FMNL3: variants seen among roughly 807,000 people sequenced by gnomAD.
FMNL3 encodes formin-like protein 3.
A neutral mutation model predicts 119.6 loss-of-function variants in FMNL3; 57 were observed. The ratio of observed to expected loss-of-function variants is 0.48; its 90% CI spans 0.39 to 0.59. The LOEUF is 0.59. Ranked by LOEUF, FMNL3 falls within the 20% of genes least tolerant of loss-of-function variation. The probability of loss-of-function intolerance (pLI) is 0.00; values close to 1 mark genes in which losing one functional copy is unlikely to be tolerated. For synonymous variants in FMNL3, 491 were observed against 507.3 expected, an observed-to-expected ratio of 0.97 and a Z score of 0.43; for missense variants, 1,053 against 1,323.5, an observed-to-expected ratio of 0.80 and a Z score of 3.17.
At chr12:49,662,171 C>A in intron 4 of FMNL3, 122 bp from the exon 5 acceptor site, 2 of 904,454 alleles carry the variant, frequency 2.2e-6, no homozygotes, top group Non-Finnish European at 3.5e-6. Flanking sequence ...TAAGAAAATT[C>A]TGAAGATCAA....
rs577315578 is a variant in FMNL3, at chr12:49,676,391, C to T, written c.127-7837G>A. Among the ~76,000 whole-genome samples, 32 of 152,206 alleles carry T rather than the reference C, an allele frequency of 2.1e-4. 1 individual carries two copies. In the South Asian group the frequency reaches 6.4e-3, roughly 31 times the overall value. On this transcript the variant is annotated intron_variant, in intron 1 of 25. Transcript: ENST00000335154. ...AGTTGGAATATAGACAGTGGACGAA[C>T]CTTCAACAACTATTTTAGACCATGA...
Position 49,646,898 on chromosome 12 carries a change from C to A in FMNL3, c.2983G>T (p.Asp995Tyr), listed in dbSNP as rs1386741591. ...VYEGKDGTIE[D>Y]IITGLHCQPM... ...AAAAGGGCCCCACCTGTGATGATGTCCTCGATGGTACCATCCTTCCCCTCA... is the reference window on the plus strand; with the variant it reads ...AAAAGGGCCCCACCTGTGATGATGTACTCGATGGTACCATCCTTCCCCTCA... The change falls in exon 25 of 26, where the codon GAC becomes TAC. Residue 995 changes from aspartate (D) to tyrosine (Y), a missense_variant. Around this residue, in one of 4 missense-constraint regions of FMNL3, gnomAD observed 324 missense variants for 380.9 expected, o/e 0.85. Coordinates refer to ENST00000335154, the MANE Select transcript of FMNL3 (RefSeq NM_175736.5). 6.2e-7 allele frequency: 1 copy of A among 1,613,962 alleles called. No individual in the cohort carries two copies. The highest frequency in any genetic ancestry group is 1.1e-5 in the South Asian group (1 of 91,072).
chr12:49,664,740 T>G (rs566048630), intron 4 of FMNL3, among the ~76,000 whole-genome samples: 25 of 152,286 alleles, frequency 1.6e-4, no homozygotes, highest in Admixed American at 4.6e-4. Context: ...CCCTTTCCTG[T>G]TCTCTCCTGT....
chr12:49,656,723 C>T (rs939769517), intron 8 of FMNL3, 100 bp downstream of exon 8: 4 of 1,204,070 alleles, frequency 3.3e-6, no homozygotes, highest in African/African-American at 1.5e-5. Context: ...AGGCTCTTGA[C>T]AGGACTCCAA....
At chr12:49,704,231 G>C (rs1395493640) in intron 1 of FMNL3, among the ~76,000 whole-genome samples, 2 of 152,140 alleles carry the variant, frequency 1.3e-5, no homozygotes, top group Non-Finnish European at 2.9e-5. Flanking sequence ...GACTATGGAT[G>C]AAACAGTTGA....
At position 49,649,488 on chromosome 12, in the gene FMNL3, C is replaced by T; in HGVS notation, c.2286G>A (p.Lys762=). The T allele has an allele frequency of 6.2e-6, 10 of 1,614,170 alleles. No homozygotes were observed. Among genetic ancestry groups the T allele is most frequent in the Non-Finnish European group, 7.6e-6 (9 of 1,180,034 alleles). ...TTCCCACCTCCAACATCTGCTTCAG[C>T]TTCTGTGAAGACTTGACGGAAGCGG... The part of the protein sequence containing the change: ...AASASVKSSQ[K]LKQMLEIILA... Residue 762 remains lysine (K), a synonymous_variant, in exon 19 of 26, where the codon AAG becomes AAA. Transcript: ENST00000335154. The surrounding 1 kb of genome is among the most constrained non-coding windows in gnomAD (Gnocchi z 5.6).
chr12:49,690,628 C>T (rs1243295488), intron 1 of FMNL3, among the ~76,000 whole-genome samples: 1 of 152,198 alleles, frequency 6.6e-6, no homozygotes, highest in Admixed American at 6.5e-5. Context: ...AAACCCAAAT[C>T]TGGCTGACTC....
At chr12:49,646,863 C>G (rs1943214396) in intron 25 of FMNL3, 23 bp downstream of exon 25, 1 of 1,613,032 alleles carries the variant, frequency 6.2e-7, no homozygotes. Context: ...TGGCCAGGCC[C>G]CAGGGAGTGA....
chr12:49,686,835 G>T (rs967382763), intron 1 of FMNL3, among the ~76,000 whole-genome samples: 1 of 152,124 alleles, frequency 6.6e-6, no homozygotes, highest in African/African-American at 2.4e-5. Flanking sequence ...CCTGCAGACA[G>T]TTCTGACAAC....
chr12:49,643,182 A>T lies in FMNL3; in HGVS notation c.*2633T>A. ...TCCCAGACGAGGGCTTCTGGAGGGC[A>T]GAGAACCTCTGCACTGACATGTATC... On this transcript the variant is annotated 3_prime_UTR_variant, in exon 26 of 26. Coordinates refer to ENST00000335154, the MANE Select transcript of FMNL3 (RefSeq NM_175736.5). The T allele has an allele frequency of 6.2e-7, 1 of 1,609,546 alleles. No individual in the cohort carries two copies. The highest frequency in any genetic ancestry group is 8.5e-7 in the Non-Finnish European group (1 of 1,177,210).
intron 4 of FMNL3, among the ~76,000 whole-genome samples, chr12:49,665,249 C>T (rs1178736125): frequency 1.3e-5 from 2 of 151,504 alleles, no homozygotes; most frequent in African/African-American, 4.9e-5. Context: ...AAAAGACTCA[C>T]ACAGTTCCTA....
chr12:49,661,200 C>A (rs1379465207), intron 5 of FMNL3, among the ~76,000 whole-genome samples: 1 of 152,188 alleles, frequency 6.6e-6, no homozygotes, highest in Non-Finnish European at 1.5e-5. Context: ...AACAATAGAT[C>A]TGCTACCACA....
rs1412761734 is a variant in FMNL3 at position 49,644,127 on chromosome 12, C to T, written c.*1688G>A. ...AGGCTGGGACACGTCAGAAAGTGAG[C>T]TGAGTGAGGGTGAGCTGGAGAGGCG... On this transcript the variant is annotated 3_prime_UTR_variant, in exon 26 of 26. Coordinates refer to ENST00000335154, the MANE Select transcript of FMNL3 (RefSeq NM_175736.5). 9 of 1,614,166 alleles carry T rather than the reference C, an allele frequency of 5.6e-6. No homozygotes were observed. Among genetic ancestry groups the T allele is most frequent in the Non-Finnish European group, 7.6e-6 (9 of 1,180,042 alleles).
Position 49,693,635 on chromosome 12 carries a change from G to GTTTTTTTTTTTTTTTTTTTTT in FMNL3, c.126+13419_126+13420insAAAAAAAAAAAAAAAAAAAAA. On this transcript the variant is annotated intron_variant, in intron 1 of 25. Coordinates refer to ENST00000335154, the MANE Select transcript of FMNL3 (RefSeq NM_175736.5). ...CCACCCGCCTCAGCCTCCCAATCTT[G>GTTTTTTTTTTTTTTTTTTTTT]GTTTTTTTTTTTTTTTTTTTTTTTT... Among the ~76,000 whole-genome samples, 119 of 21,242 alleles carry GTTTTTTTTTTTTTTTTTTTTT rather than the reference G, an allele frequency of 5.6e-3. 51 individuals are homozygous for GTTTTTTTTTTTTTTTTTTTTT. The highest frequency in any genetic ancestry group is 0.083 in the Middle Eastern group (2 of 24). The allele number at this position is 21,242 out of a possible 152,430, so 13.9% of individuals were successfully genotyped here.
Position 49,648,179 on chromosome 12 carries a change from C to T in FMNL3, c.2676+14G>A, listed in dbSNP as rs1346099685. 6.2e-5 allele frequency: 99 copies of T among 1,608,414 alleles called. No homozygotes were observed. Among genetic ancestry groups the T allele is most frequent in the Non-Finnish European group, 8.2e-5 (97 of 1,176,628 alleles). The stretch of plus-strand genomic sequence containing the variant: ...TGGCCCTGGTTGCTCCCACCGCCTG[C>T]ACCCCGTGCTTGCCTCAGCCGTCTT... On this transcript the variant is annotated intron_variant, in intron 22 of 25. Coordinates refer to ENST00000335154, the MANE Select transcript of FMNL3 (RefSeq NM_175736.5).
In FMNL3 at chr12:49,643,088, CTTACAA is replaced by C; in HGVS notation, c.*2721_*2726del. ...GGGGAAATAAACACTTTGTTTTCCCCTTACAATATCTCCCTTGGAGGGAAGTTTGAG... is the reference window on the plus strand; with the variant it reads ...GGGGAAATAAACACTTTGTTTTCCCCTATCTCCCTTGGAGGGAAGTTTGAG... On this transcript the variant is annotated 3_prime_UTR_variant, in exon 26 of 26. Transcript: ENST00000335154. 2 of 1,591,936 alleles carry C rather than the reference CTTACAA, an allele frequency of 1.3e-6. No homozygotes were observed. Among genetic ancestry groups the C allele is most frequent in the Non-Finnish European group, 8.6e-7 (1 of 1,161,704 alleles).
intron 1 of FMNL3, among the ~76,000 whole-genome samples, chr12:49,694,503 A>G (rs1467315450): frequency 6.6e-6 from 1 of 152,218 alleles, no homozygotes; most frequent in Non-Finnish European, 1.5e-5. Context: ...CGCACATTTT[A>G]AATGGATAAA....
chr12:49,679,519 C>CTTTTTT (rs551320921), intron 1 of FMNL3, among the ~76,000 whole-genome samples: 7 of 90,644 alleles, frequency 7.7e-5, no homozygotes, highest in East Asian at 3.2e-4. Flanking sequence ...GCATTTGTGT[C>CTTTTTT]TTTTTTTTTT....
intron 1 of FMNL3, among the ~76,000 whole-genome samples, chr12:49,704,019 A>G (rs988470828): frequency 2.0e-5 from 3 of 152,168 alleles, no homozygotes; most frequent in Admixed American, 2.0e-4. Context: ...GATCTGAGTC[A>G]CTGCTGAGAG....
Sources: allele counts gnomAD v4.1 joint callset (sites outside exome capture counted in the v4.1 genomes callset), GRCh38; gene constraint gnomAD v4.1.1; regional missense constraint gnomAD v4.1.1; non-coding constraint Gnocchi (gnomAD v3.1); transcripts MANE v1.5; gene names NCBI Gene and HGNC (gene_info 2026-07-23, HGNC 2026-07-21).